The following LCLAT1 variants were observed in gnomAD, a reference collection of about 807,000 sequenced individuals.
LCLAT1 encodes the protein 1-AGP acyltransferase 8.
Under a neutral mutation model 30.7 loss-of-function variants are expected in LCLAT1, and 11 were observed. That is an observed-to-expected ratio of 0.36 (90% CI 0.23 to 0.59). The LOEUF (loss-of-function observed/expected upper bound fraction) is 0.59. Ranked by LOEUF, LCLAT1 falls within the 20% of genes least tolerant of loss-of-function variation. LCLAT1 has a pLI of 0.77. For synonymous variants in LCLAT1, 155 were observed against 151.3 expected (o/e 1.02, Z -0.18); for missense variants, 402 against 458.6 (o/e 0.88, Z 1.13).
intron 5 of LCLAT1, among the ~76,000 whole-genome samples, chr2:30,568,647 A>G (rs1281561804): frequency 1.3e-5 from 2 of 150,870 alleles, no homozygotes; most frequent in East Asian, 3.9e-4. Flanking sequence ...AGCTGGGACT[A>G]CAGGTGCCCA....
At chr2:30,579,015 A>G (rs1346601943) in intron 5 of LCLAT1, among the ~76,000 whole-genome samples, 1 of 152,084 alleles carries the variant, frequency 6.6e-6, no homozygotes, top group Non-Finnish European at 1.5e-5. Flanking sequence ...ATTCATTCAT[A>G]TTTATTTTTT....
At chr2:30,471,608 C>T (rs1480982312) in intron 1 of LCLAT1, among the ~76,000 whole-genome samples, 3 of 152,154 alleles carry the variant, frequency 2.0e-5, no homozygotes, top group African/African-American at 7.2e-5. Context: ...TCTTTTACCT[C>T]CTTGGTTAAA....
At chr2:30,579,507 G>A (rs951838282) in intron 5 of LCLAT1, among the ~76,000 whole-genome samples, 2 of 152,036 alleles carry the variant, frequency 1.3e-5, no homozygotes, top group African/African-American at 2.4e-5. Context: ...TATATGATCC[G>A]GTGTCACAGA....
chr2:30,612,324 AAGGGAG>A (rs1667776828), intron 5 of LCLAT1, among the ~76,000 whole-genome samples: 1 of 152,128 alleles, frequency 6.6e-6, no homozygotes, highest in African/African-American at 2.4e-5. Flanking sequence ...TCACGGTTTG[AAGGGAG>A]AGGGAGAGAG....
At chr2:30,629,529 C>T (rs564493979) in intron 5 of LCLAT1, among the ~76,000 whole-genome samples, 88 of 152,262 alleles carry the variant, frequency 5.8e-4, no homozygotes, top group Non-Finnish European at 1.1e-3. Flanking sequence ...CATTGCACTC[C>T]AGCCTGGGCA....
At chr2:30,585,567 C>T (rs764790352) in intron 5 of LCLAT1, among the ~76,000 whole-genome samples, 2 of 152,298 alleles carry the variant, frequency 1.3e-5, no homozygotes, top group South Asian at 2.1e-4. Context: ...ACCTGTTAAA[C>T]GTTAAATTGC....
rs780540034 is a variant in LCLAT1, at chr2:30,640,249, C to T, written c.761C>T (p.Thr254Ile). ...HFHVHRYPID[T>I]LPTSKEDLQL... ...CACGTCCACCGGTATCCAATAGACA[C>T]CCTCCCCACATCCAAGGAGGACCTT... The change falls in exon 6 of 6, where the codon ACC (threonine) becomes ATC (isoleucine). Residue 254 changes from threonine to isoleucine, a missense_variant. Coordinates refer to ENST00000379509, the MANE Select transcript of LCLAT1 (RefSeq NM_001002257.3). The T allele has an allele frequency of 1.2e-6, 2 of 1,614,112 alleles. No individual in the cohort carries two copies. Among genetic ancestry groups the T allele is most frequent in the Non-Finnish European group, 1.7e-6 (2 of 1,179,976 alleles).
chr2:30,456,173 T>C (rs1337595376), intron 1 of LCLAT1, among the ~76,000 whole-genome samples: 1 of 152,210 alleles, frequency 6.6e-6, no homozygotes, highest in East Asian at 1.9e-4. Flanking sequence ...AAAGTGGGTG[T>C]CCTCATTACT....
chr2:30,550,969 C>T (rs1449588272), intron 3 of LCLAT1, among the ~76,000 whole-genome samples: 2 of 151,966 alleles, frequency 1.3e-5, no homozygotes, highest in Non-Finnish European at 1.5e-5. Context: ...TAATGGCCAG[C>T]TTTGGCCATT....
At chr2:30,622,310 TTC>T (rs1668299058) in intron 5 of LCLAT1, among the ~76,000 whole-genome samples, 1 of 152,162 alleles carries the variant, frequency 6.6e-6, no homozygotes, top group Non-Finnish European at 1.5e-5. Flanking sequence ...TTGATGGTCT[TTC>T]TCTGAGACCT....
At chr2:30,595,269 T>G (rs2148483127) in intron 5 of LCLAT1, among the ~76,000 whole-genome samples, 1 of 152,264 alleles carries the variant, frequency 6.6e-6, no homozygotes, top group South Asian at 2.1e-4. Context: ...GGGTTTTTTT[T>G]TCCCCCATTC....
At chr2:30,626,259 T>C (rs1187696288) in intron 5 of LCLAT1, among the ~76,000 whole-genome samples, 1 of 152,236 alleles carries the variant, frequency 6.6e-6, no homozygotes, top group Non-Finnish European at 1.5e-5. Flanking sequence ...TGCAGGGGTT[T>C]TGGCAACTTG....
intron 5 of LCLAT1, among the ~76,000 whole-genome samples, chr2:30,637,722 C>A (rs989414943): frequency 6.6e-6 from 1 of 152,166 alleles, no homozygotes; most frequent in Non-Finnish European, 1.5e-5. Flanking sequence ...AGATTACAAG[C>A]GTGCGCCACC....
At chr2:30,624,075 G>A (rs1015533885) in intron 5 of LCLAT1, among the ~76,000 whole-genome samples, 7 of 152,114 alleles carry the variant, frequency 4.6e-5, no homozygotes, top group Non-Finnish European at 1.0e-4. Flanking sequence ...GAGAGAATTT[G>A]CCATTACCAA....
At chr2:30,527,984 G>A (rs937457019) in intron 2 of LCLAT1, among the ~76,000 whole-genome samples, 5 of 152,172 alleles carry the variant, frequency 3.3e-5, no homozygotes, top group African/African-American at 1.2e-4. Flanking sequence ...GGGTTCAGAT[G>A]TCTTCTATCC....
intron 5 of LCLAT1, among the ~76,000 whole-genome samples, 195 bp downstream of exon 5, chr2:30,568,371 C>A (rs1665602030): frequency 6.6e-6 from 1 of 151,846 alleles, no homozygotes; most frequent in Non-Finnish European, 1.5e-5. Context: ...GAAGAGATCT[C>A]TGTAAAAAAT....
intron 1 of LCLAT1, among the ~76,000 whole-genome samples, chr2:30,459,279 C>T (rs978040104): frequency 6.6e-6 from 1 of 152,136 alleles, no homozygotes; most frequent in African/African-American, 2.4e-5. Flanking sequence ...GCTCCAAGGA[C>T]CTGGCCAGTG....
chr2:30,526,610 T>A (rs948451588), intron 2 of LCLAT1, among the ~76,000 whole-genome samples: 7 of 152,202 alleles, frequency 4.6e-5, no homozygotes, highest in African/African-American at 1.4e-4. Flanking sequence ...CTTGCTTTTT[T>A]AATATAAGTA....
At chr2:30,599,374 G>GTGTT (rs1184905104) in intron 5 of LCLAT1, among the ~76,000 whole-genome samples, 1 of 152,218 alleles carries the variant, frequency 6.6e-6, no homozygotes, top group African/African-American at 2.4e-5. Context: ...TTGCTGAGGA[G>GTGTT]TGTTTTACTT....
Sources: allele counts gnomAD v4.1 joint callset (sites outside exome capture counted in the v4.1 genomes callset), GRCh38; gene constraint gnomAD v4.1.1; transcripts MANE v1.5; gene names NCBI Gene and HGNC (gene_info 2026-07-23, HGNC 2026-07-21).